Variants in RUSC2 observed in about 807,000 individuals in gnomAD.
RUSC2 encodes AP-4 complex accessory subunit RUSC2.
Under a neutral mutation model 122.2 loss-of-function variants are expected in RUSC2, and 34 were observed. The observed-to-expected ratio is 0.28, with a 90% CI of 0.21 to 0.37. The LOEUF is 0.37. Among genes scored for constraint, RUSC2 ranks in the 10% least tolerant of loss-of-function variants. The pLI, the probability that RUSC2 is intolerant of heterozygous loss-of-function variation, is 1.00. For missense variants in RUSC2, 1,747 were observed against 1,952.4 expected (o/e 0.89, Z 1.98); for synonymous variants, 784 against 790.0 (o/e 0.99, Z 0.13).
Position 35,513,903 on chromosome 9 carries a change from C to CATATATATATATAT in RUSC2, c.-93+23754_-93+23767dup, listed in dbSNP as rs3068511. ...CTTTTGTAAATAGTGCTTCAACAAA[C>CATATATATATATAT]ATATATATATATATATATATATATA... On this transcript the variant is annotated intron_variant, in intron 1 of 11. Transcript: ENST00000361226. 4.6e-3 allele frequency among the ~76,000 whole-genome samples: 479 copies of CATATATATATATAT among 104,124 alleles called. 2 individuals carry two copies. Among genetic ancestry groups the CATATATATATATAT allele is most frequent in the Non-Finnish European group, 5.8e-3 (306 of 52,734 alleles). 68.3% of individuals were successfully genotyped at this position (104,124 alleles called of 152,430 possible).
At position 35,560,424 on chromosome 9, in the gene RUSC2, T is replaced by G. The variant is rs775122722; in HGVS notation, c.3784T>G (p.Trp1262Gly). ...EAAGGSGRARWARGGQAGWWY... is the reference protein window; with the variant it reads ...EAAGGSGRARGARGGQAGWWY... ...AGCCGGGGGCTCAGGGCGTGCCAGGTGGGCCCGAGGTGGGCAGGCCGGCTG... is the reference window on the plus strand; with the variant it reads ...AGCCGGGGGCTCAGGGCGTGCCAGGGGGGCCCGAGGTGGGCAGGCCGGCTG... Residue 1262 changes from tryptophan (W) to glycine (G), a missense_variant, in exon 10 of 12, where the codon TGG (tryptophan) becomes GGG (glycine). By Grantham distance (184) the Trp-to-Gly change is radical (BLOSUM62 -2). Transcript: ENST00000361226. 5 of 1,614,086 alleles carry G rather than the reference T, an allele frequency of 3.1e-6. No individual in the cohort carries two copies. Among genetic ancestry groups the G allele is most frequent in the Non-Finnish European group, 4.2e-6 (5 of 1,179,994 alleles).
chr9:35,555,398 A>G lies in RUSC2; in HGVS notation c.2353A>G (p.Ser785Gly), dbSNP rs1295519544. 4.3e-6 allele frequency: 7 copies of G among 1,614,170 alleles called. No individual in the cohort carries two copies. Among genetic ancestry groups the G allele is most frequent in the Non-Finnish European group, 5.9e-6 (7 of 1,180,028 alleles). Residue 785 changes from serine (S) to glycine (G), a missense_variant, in exon 3 of 12, where the codon AGT (serine) becomes GGT (glycine). Physicochemically the swap from Ser to Gly is moderately conservative, Grantham distance 56 (BLOSUM62 0). Transcript: ENST00000361226. The surrounding 1 kb of genome is among the most constrained non-coding windows in gnomAD (Gnocchi z 4.6). ...CCTGGGCAGCTACTCCCCCATCCGGAGTGTTGGCCCCTTTGGGCCCAGCAC... is the reference window on the plus strand; with the variant it reads ...CCTGGGCAGCTACTCCCCCATCCGGGGTGTTGGCCCCTTTGGGCCCAGCAC... ...SPLGSYSPIR[S>G]VGPFGPSTDS... is the part of the protein sequence containing the mutation.
intron 1 of RUSC2, among the ~76,000 whole-genome samples, chr9:35,519,734 T>TA (rs1554724724): frequency 6.6e-6 from 1 of 152,178 alleles, no homozygotes. Context: ...CTGCCAAAGA[T>TA]ATAATAATAA....
chr9:35,496,222 C>T (rs924441793), intron 1 of RUSC2, among the ~76,000 whole-genome samples: 3 of 152,104 alleles, frequency 2.0e-5, no homozygotes, highest in Non-Finnish European at 2.9e-5. Flanking sequence ...AAACTTCAAT[C>T]GAGCGGGTTC....
chr9:35,513,841 G>T (rs1439393830), intron 1 of RUSC2, among the ~76,000 whole-genome samples: 1 of 142,164 alleles, frequency 7.0e-6, no homozygotes, highest in African/African-American at 2.6e-5. Flanking sequence ...GCAAGACCCT[G>T]TCTCTATAAA....
Position 35,547,238 on chromosome 9 carries a change from C to T in RUSC2, c.717C>T (p.Asn239=). 6.2e-7 allele frequency: 1 copy of T among 1,614,188 alleles called. No individual in the cohort carries two copies. Among genetic ancestry groups the T allele is most frequent in the Non-Finnish European group, 8.5e-7 (1 of 1,180,040 alleles). The part of the protein sequence containing the change: ...WKLSSDESPR[N]PGCSGSGDQH... Reference sequence around the variant, plus strand: ...TCAGTTCAGATGAATCCCCAAGGAACCCTGGATGCTCCGGCTCAGGGGACC... The same window carrying T: ...TCAGTTCAGATGAATCCCCAAGGAATCCTGGATGCTCCGGCTCAGGGGACC... Residue 239 remains asparagine (N), a synonymous_variant, in exon 2 of 12, where the codon AAC becomes AAT. Coordinates refer to ENST00000361226, the MANE Select transcript of RUSC2 (RefSeq NM_014806.5). This position sits in a 1 kb window ranked among gnomAD's most constrained non-coding sequence, Gnocchi z 4.6.
intron 1 of RUSC2, among the ~76,000 whole-genome samples, chr9:35,501,790 A>C (rs1820821986): frequency 6.6e-6 from 1 of 152,204 alleles, no homozygotes; most frequent in African/African-American, 2.4e-5. Flanking sequence ...AGCCTTAATT[A>C]ATTTAATGAG....
In RUSC2 at chr9:35,546,757, G is replaced by T. The variant is rs143569329; in HGVS notation, c.236G>T (p.Arg79Leu). The change falls in exon 2 of 12, where the codon CGG becomes CTG. Residue 79 changes from arginine (R) to leucine (L), a missense_variant. Transcript: ENST00000361226. The surrounding 1 kb of genome is among the most constrained non-coding windows in gnomAD (Gnocchi z 4.3). Reference sequence around the variant, plus strand: ...CACTCTACTCCAGGAGGAACTGCACGGTCTATAGACAGCACCAAGAGTAGG... The same window carrying T: ...CACTCTACTCCAGGAGGAACTGCACTGTCTATAGACAGCACCAAGAGTAGG... ...SLHSTPGGTA[R>L]SIDSTKSRSR... 6.3e-7 allele frequency: 1 copy of T among 1,589,908 alleles called. No individual in the cohort carries two copies. The highest frequency in any genetic ancestry group is 2.2e-5 in the East Asian group (1 of 44,712).
At chr9:35,494,611 A>T (rs556409242) in intron 1 of RUSC2, among the ~76,000 whole-genome samples, 2 of 152,128 alleles carry the variant, frequency 1.3e-5, no homozygotes, top group Admixed American at 6.6e-5. Context: ...AGAAATGCCT[A>T]TTCAAGTCCT....
chr9:35,505,183 T>C (rs1820890809), intron 1 of RUSC2, among the ~76,000 whole-genome samples: 1 of 152,236 alleles, frequency 6.6e-6, no homozygotes, highest in Non-Finnish European at 1.5e-5. Context: ...TAATTTTGTT[T>C]GTGATTTTTG....
At position 35,561,681 on chromosome 9, in the gene RUSC2, G is replaced by A. The variant is rs191910543; in HGVS notation, c.*299G>A. ...AAGACAAGCAAGTCCCCCTGGAGGC[G>A]GGTGGCCCAGAAAGCCATCTACAGG... is the stretch of plus-strand genomic sequence containing the variant. On this transcript the variant is annotated 3_prime_UTR_variant, in exon 12 of 12. Transcript: ENST00000361226. 65 of 530,516 alleles carry A rather than the reference G, an allele frequency of 1.2e-4. No individual in the cohort carries two copies. The highest frequency in any genetic ancestry group is 1.8e-4 in the Non-Finnish European group (54 of 301,862). The allele number at this position is 530,516 out of a possible 1,614,324, so 32.9% of individuals were successfully genotyped here.
At chr9:35,509,925 A>G (rs568131295) in intron 1 of RUSC2, among the ~76,000 whole-genome samples, 1 of 152,316 alleles carries the variant, frequency 6.6e-6, no homozygotes, top group East Asian at 1.9e-4. Flanking sequence ...CTGCTACAGA[A>G]TTAGTCCTGA....
intron 1 of RUSC2, among the ~76,000 whole-genome samples, chr9:35,503,012 C>T (rs1400811941): frequency 6.6e-6 from 1 of 152,126 alleles, no homozygotes; most frequent in Non-Finnish European, 1.5e-5. Context: ...AGGCATGCAA[C>T]ACCATGGCCA....
chr9:35,548,550 G>C lies in RUSC2; in HGVS notation c.2014+15G>C, dbSNP rs189487614. On this transcript the variant is annotated intron_variant, in intron 2 of 11. Transcript: ENST00000361226. This position sits in a 1 kb window ranked among gnomAD's most constrained non-coding sequence, Gnocchi z 4.5. ...TAGAGCTGACGGTAAGGAGCCTAAG[G>C]GTTAGCAAATATGTGGCTATTCACC... is the stretch of plus-strand genomic sequence containing the variant. 6.3e-7 allele frequency: 1 copy of C among 1,587,906 alleles called. No homozygotes were observed. Among genetic ancestry groups the C allele is most frequent in the Non-Finnish European group, 8.6e-7 (1 of 1,168,844 alleles).
intron 1 of RUSC2, among the ~76,000 whole-genome samples, chr9:35,545,679 G>C (rs918088291): frequency 6.6e-6 from 1 of 152,148 alleles, no homozygotes; most frequent in African/African-American, 2.4e-5. Flanking sequence ...TGATGTGTTA[G>C]AATGATACAA....
intron 1 of RUSC2, among the ~76,000 whole-genome samples, chr9:35,542,569 C>T (rs1473037643): frequency 6.6e-6 from 1 of 152,156 alleles, no homozygotes; most frequent in Non-Finnish European, 1.5e-5. Context: ...AATGTTAAAA[C>T]TCCTATAATT....
chr9:35,560,550 A>G lies in RUSC2; in HGVS notation c.3910A>G (p.Lys1304Glu). ...CAGCAACAGCAGCAGCGAGAAAAAG[A>G]AAGGGGCAGGAGGTGGGGGACCTCC... ...GSSNSSSEKK[K>E]GAGGGGPPQA... The change falls in exon 10 of 12, where the codon AAA becomes GAA. Residue 1304 changes from lysine to glutamate, a missense_variant. By Grantham distance (56) the Lys-to-Glu change is moderately conservative. Transcript: ENST00000361226. 3 of 1,614,132 alleles carry G rather than the reference A, an allele frequency of 1.9e-6. No individual in the cohort carries two copies. Among genetic ancestry groups the G allele is most frequent in the South Asian group, 2.2e-5 (2 of 91,076 alleles).
intron 1 of RUSC2, among the ~76,000 whole-genome samples, chr9:35,517,723 C>T (rs754954194): frequency 1.3e-5 from 2 of 152,118 alleles, no homozygotes; most frequent in Non-Finnish European, 2.9e-5. Flanking sequence ...ACAGACTGGG[C>T]CTATTTCCTA....
chr9:35,560,792 C>G lies in RUSC2; in HGVS notation c.4152C>G (p.Ile1384Met). 1 of 1,529,618 alleles carries G rather than the reference C, an allele frequency of 6.5e-7. No homozygotes were observed. The highest frequency in any genetic ancestry group is 8.8e-7 in the Non-Finnish European group (1 of 1,141,382). The allele number at this position is 1,529,618 out of a possible 1,614,324, so 94.8% of individuals were successfully genotyped here. ...EGASEPSPGGIKWGHLFGSRK... is the reference protein window; with the variant it reads ...EGASEPSPGGMKWGHLFGSRK... ...CCTCAGAGCCTTCACCTGGAGGCAT[C>G]AAGTGGGGACACCTCTTTGGCTCCC... is the stretch of plus-strand genomic sequence containing the variant. The change falls in exon 10 of 12, where the codon ATC (isoleucine) becomes ATG (methionine). Residue 1384 changes from isoleucine to methionine, a missense_variant. Ile to Met is a conservative substitution (Grantham distance 10). Transcript: ENST00000361226.
Sources: allele counts gnomAD v4.1 joint callset (sites outside exome capture counted in the v4.1 genomes callset), GRCh38; gene constraint gnomAD v4.1.1; non-coding constraint Gnocchi (gnomAD v3.1); transcripts MANE v1.5; gene names NCBI Gene and HGNC (gene_info 2026-07-23, HGNC 2026-07-21).